Variants in ZBTB20 observed in about 807,000 individuals in gnomAD.
ZBTB20 encodes zinc finger and BTB domain containing 20.
Under a neutral mutation model 56.9 loss-of-function variants are expected in ZBTB20, and 9 were observed. That is an observed-to-expected ratio of 0.16 (90% confidence interval 0.10 to 0.28). The LOEUF is 0.28. Ranked by LOEUF, ZBTB20 falls within the 10% of genes least tolerant of loss-of-function variation. The pLI is 1.00. For synonymous variants in ZBTB20, 417 were observed against 420.7 expected (o/e 0.99, Z 0.11); for missense variants, 655 against 1,003.0 (o/e 0.65, Z 4.69).
chr3:115,138,073 A>C (rs1157447241), intron 1 of ZBTB20, among the ~76,000 whole-genome samples: 1 of 152,108 alleles, frequency 6.6e-6, no homozygotes, highest in East Asian at 1.9e-4. Flanking sequence ...AAAGCCTTCC[A>C]AAGTCATAGG....
At chr3:114,566,574 A>C (rs1271800906) in intron 6 of ZBTB20, among the ~76,000 whole-genome samples, 1 of 152,158 alleles carries the variant, frequency 6.6e-6, no homozygotes, top group Non-Finnish European at 1.5e-5. Context: ...TTGCAGCACA[A>C]GTTGAAAGCT....
rs2204846 is a variant in ZBTB20, at chr3:114,715,751, A to G, written c.-342-22176T>C. ...AATAATAAATACTGGACACTACCCC[A>G]CAACATGCACAGTATTAAATAAGAT... On this transcript the variant is annotated intron_variant, in intron 5 of 11. Transcript: ENST00000675478. Among the ~76,000 whole-genome samples the G allele has an allele frequency of 6.1e-4, 93 of 152,138 alleles. 7 individuals are homozygous for G. Among genetic ancestry groups the G allele is most frequent in the Non-Finnish European group, 5.9e-5 (4 of 68,022 alleles).
intron 7 of ZBTB20, among the ~76,000 whole-genome samples, chr3:114,451,736 G>A (rs1273467366): frequency 6.6e-6 from 1 of 152,160 alleles, no homozygotes; most frequent in African/African-American, 2.4e-5. Context: ...ATCTGATAGT[G>A]CAGGACACGT....
At chr3:114,678,586 A>G (rs1485398459) in intron 6 of ZBTB20, among the ~76,000 whole-genome samples, 4 of 152,190 alleles carry the variant, frequency 2.6e-5, no homozygotes, top group Non-Finnish European at 4.4e-5. Context: ...GAATCACTGC[A>G]TCTTATGTAT....
At chr3:114,510,827 C>A (rs183850624) in intron 6 of ZBTB20, among the ~76,000 whole-genome samples, 1 of 151,962 alleles carries the variant, frequency 6.6e-6, no homozygotes, top group Non-Finnish European at 1.5e-5. Context: ...AAAAAACATC[C>A]GATCTTACAG....
chr3:114,637,047 C>G (rs1418019492), intron 6 of ZBTB20, among the ~76,000 whole-genome samples: 1 of 151,966 alleles, frequency 6.6e-6, no homozygotes, highest in African/African-American at 2.4e-5. Flanking sequence ...ATTCTTATAT[C>G]ATACAAAATA....
intron 10 of ZBTB20, among the ~76,000 whole-genome samples, chr3:114,370,825 T>A (rs989582629): frequency 2.0e-5 from 3 of 152,198 alleles, no homozygotes; most frequent in African/African-American, 7.2e-5. Context: ...TAAAATGGAA[T>A]TCAATTTGAT....
intron 10 of ZBTB20, among the ~76,000 whole-genome samples, chr3:114,364,115 A>G (rs1367514508): frequency 2.0e-5 from 3 of 151,898 alleles, no homozygotes; most frequent in East Asian, 3.9e-4. Flanking sequence ...ATTCTCTGGC[A>G]TGTTATTTCA....
chr3:115,059,508 G>A (rs1012898426), intron 2 of ZBTB20, among the ~76,000 whole-genome samples: 1 of 152,112 alleles, frequency 6.6e-6, no homozygotes, highest in South Asian at 2.1e-4. Flanking sequence ...CTCCAGGAGT[G>A]GTTCACCTTT....
At chr3:114,615,132 A>C (rs1209499424) in intron 6 of ZBTB20, among the ~76,000 whole-genome samples, 1 of 152,206 alleles carries the variant, frequency 6.6e-6, no homozygotes, top group Non-Finnish European at 1.5e-5. Context: ...ATTTAATTAC[A>C]AACTAAGGAG....
intron 7 of ZBTB20, among the ~76,000 whole-genome samples, chr3:114,432,929 C>A (rs2090225739): frequency 6.6e-6 from 1 of 152,080 alleles, no homozygotes; most frequent in African/African-American, 2.4e-5. Flanking sequence ...ACGAACCTAA[C>A]CTAAAAGCTT....
intron 2 of ZBTB20, among the ~76,000 whole-genome samples, chr3:114,986,299 T>C (rs1699783390): frequency 6.6e-6 from 1 of 152,126 alleles, no homozygotes; most frequent in South Asian, 2.1e-4. Flanking sequence ...CAGCTTTCTC[T>C]GCATATTTTA....
At position 114,658,308 on chromosome 3, in the gene ZBTB20, T is replaced by C. The variant is rs888228711; in HGVS notation, c.-295+35220A>G. Reference sequence around the variant, plus strand: ...GTGTAGGGAAAATGGATAACTCTTATCTTCATTATTTTTTAAGTCATTCTA... The same window carrying C: ...GTGTAGGGAAAATGGATAACTCTTACCTTCATTATTTTTTAAGTCATTCTA... On this transcript the variant is annotated intron_variant, in intron 6 of 11. Transcript: ENST00000675478. 4 of 151,780 alleles carry C rather than the reference T, an allele frequency of 2.6e-5. 1 individual carries two copies. The highest frequency in any genetic ancestry group is 2.0e-4 in the Admixed American group (3 of 15,270). The allele number at this position is 151,780 out of a possible 1,614,324, so 9.4% of individuals were successfully genotyped here. A position where few individuals can be genotyped will look rare whatever the true frequency, so the allele number is the denominator to read the frequency against.
chr3:114,694,817 G>A (rs897589561), intron 5 of ZBTB20, among the ~76,000 whole-genome samples: 1 of 152,050 alleles, frequency 6.6e-6, no homozygotes, highest in Non-Finnish European at 1.5e-5. Flanking sequence ...GAACCTCTAG[G>A]AAAGATGTAA....
At chr3:114,962,776 A>G (rs2077502882) in intron 3 of ZBTB20, among the ~76,000 whole-genome samples, 1 of 152,154 alleles carries the variant, frequency 6.6e-6, no homozygotes, top group African/African-American at 2.4e-5. Flanking sequence ...AATTTCATAA[A>G]TAAAAGGCTA....
At chr3:114,749,257 T>C (rs1272106914) in intron 5 of ZBTB20, among the ~76,000 whole-genome samples, 1 of 152,050 alleles carries the variant, frequency 6.6e-6, no homozygotes, top group Non-Finnish European at 1.5e-5. Context: ...AACACTTTGT[T>C]TTAAAGAAAT....
intron 7 of ZBTB20, among the ~76,000 whole-genome samples, chr3:114,499,039 C>T (rs1250275055): frequency 6.6e-6 from 1 of 151,206 alleles, no homozygotes; most frequent in Non-Finnish European, 1.5e-5. Context: ...ATTTGCCAGT[C>T]AGAGGACTAG....
chr3:114,855,241 G>A (rs1218146819), intron 4 of ZBTB20, among the ~76,000 whole-genome samples: 4 of 152,136 alleles, frequency 2.6e-5, no homozygotes, highest in Admixed American at 6.5e-5. Context: ...TGAACCTTTC[G>A]TAATTATTTA....
rs559321015 is a variant in ZBTB20 at position 114,651,912 on chromosome 3, A to G, written c.-295+41616T>C. On this transcript the variant is annotated intron_variant, in intron 6 of 11. Transcript: ENST00000675478. ...AATCAGAGCAATAGGCAGAAGAGAA[A>G]AGTTTTAAAACAGCTTTGAAGGTTA... Among the ~76,000 whole-genome samples, 14 of 152,146 alleles carry G rather than the reference A, an allele frequency of 9.2e-5. No individual in the cohort carries two copies. In the East Asian group the frequency reaches 1.9e-3, roughly 21 times the overall value.
Sources: allele counts gnomAD v4.1 joint callset (sites outside exome capture counted in the v4.1 genomes callset), GRCh38; gene constraint gnomAD v4.1.1; transcripts MANE v1.5; gene names NCBI Gene and HGNC (gene_info 2026-07-23, HGNC 2026-07-21).